Variants in ATP8B1 observed in about 807,000 individuals in gnomAD.
ATP8B1 encodes ATPase phospholipid transporting 8B1, also known as phospholipid-transporting ATPase IC.
In ATP8B1, 80 loss-of-function variants were observed where a neutral mutation model predicts 149.9. The observed-to-expected ratio is 0.53, with a 90% CI of 0.45 to 0.64. ATP8B1 has a LOEUF of 0.64. Ranked by LOEUF, ATP8B1 falls within the 30% of genes least tolerant of loss-of-function variation. The probability of loss-of-function intolerance (pLI) is 0.00; values close to 1 mark genes in which losing one functional copy is unlikely to be tolerated. For synonymous variants in ATP8B1, 536 were observed against 562.8 expected (o/e 0.95, Z 0.67); for missense variants, 1,247 against 1,552.6 (o/e 0.80, Z 3.31).
chr18:57,648,223 T>A lies in ATP8B1; in HGVS notation c.*265A>T. ...CTGGTCTCGAACTCCTGGCCTCAGG[T>A]GATCTCCCCTCCTCAGCCTCCTAAA... On this transcript the variant is annotated 3_prime_UTR_variant, in exon 28 of 28. Transcript: ENST00000648908. 1.8e-6 allele frequency: 1 copy of A among 553,428 alleles called. No individual in the cohort carries two copies. The highest frequency in any genetic ancestry group is 3.2e-6 in the Non-Finnish European group (1 of 308,204). 34.3% of individuals were successfully genotyped at this position (553,428 alleles called of 1,614,324 possible). A position where few individuals can be genotyped will look rare whatever the true frequency, so the allele number is the denominator to read the frequency against.
In ATP8B1 at chr18:57,671,575, T is replaced by C. The variant is rs750116059; in HGVS notation, c.1825A>G (p.Thr609Ala). 6.2e-7 allele frequency: 1 copy of C among 1,607,034 alleles called. No individual in the cohort carries two copies. Among genetic ancestry groups the C allele is most frequent in the Admixed American group, 1.7e-5 (1 of 59,990 alleles). ...DRKRMSIIVR[T>A]PEGNIKLYCK... Reference sequence around the variant, plus strand: ...TAAAGCTTGATATTGCCTTCTGGGGTTCTTACTGGTAGTAAAAGAAGGAAA... The same window carrying C: ...TAAAGCTTGATATTGCCTTCTGGGGCTCTTACTGGTAGTAAAAGAAGGAAA... Residue 609 changes from threonine (T) to alanine (A), a missense_variant, in exon 17 of 28, where the codon ACC (threonine) becomes GCC (alanine). Thr to Ala is a moderately conservative substitution (Grantham distance 58, BLOSUM62 0). Coordinates refer to ENST00000648908, the MANE Select transcript of ATP8B1 (RefSeq NM_001374385.1).
At chr18:57,760,784 C>G (rs1174949547) in intron 1 of ATP8B1, among the ~76,000 whole-genome samples, 1 of 151,944 alleles carries the variant, frequency 6.6e-6, no homozygotes, top group African/African-American at 2.4e-5. Context: ...AGGTCAGGAG[C>G]TGGAGACCAG....
rs1322207888 is a variant in ATP8B1, at chr18:57,648,720, G to C, written c.3532-8C>G. 7 of 1,549,628 alleles carry C rather than the reference G, an allele frequency of 4.5e-6. No individual in the cohort carries two copies. The highest frequency in any genetic ancestry group is 1.4e-5 in the African/African-American group (1 of 73,126). On this transcript the variant is annotated splice_region_variant and splice_polypyrimidine_tract_variant and intron_variant, in intron 27 of 27. Coordinates refer to ENST00000648908, the MANE Select transcript of ATP8B1 (RefSeq NM_001374385.1). ...CTTGCGATGCTTCTGGATCTGCAAG[G>C]GGGAGAGATGGGGAGGGATGAAAAT...
chr18:57,678,689 A>G lies in ATP8B1; in HGVS notation c.1631-3667T>C, dbSNP rs535443240. Among the ~76,000 whole-genome samples, 2 of 72,880 alleles carry G rather than the reference A, an allele frequency of 2.7e-5. 1 individual carries two copies. Among genetic ancestry groups the G allele is most frequent in the South Asian group, 9.9e-4 (2 of 2,030 alleles). 47.8% of individuals were successfully genotyped at this position (72,880 alleles called of 152,430 possible). A position where few individuals can be genotyped will look rare whatever the true frequency, so the allele number is the denominator to read the frequency against. On this transcript the variant is annotated intron_variant, in intron 15 of 27. Transcript: ENST00000648908. ...TTGACCCGACTTCGATTCCCAGCCA[A>G]TGCAGCAGGCTGACCTTTTGTCCTG...
chr18:57,678,565 C>A (rs1229415684), intron 15 of ATP8B1, among the ~76,000 whole-genome samples: 1 of 137,234 alleles, frequency 7.3e-6, no homozygotes, highest in Non-Finnish European at 1.6e-5. Flanking sequence ...CCAGCCCAGG[C>A]GATAGTTCGA....
intron 2 of ATP8B1, among the ~76,000 whole-genome samples, chr18:57,720,496 G>T (rs1734840968): frequency 9.2e-6 from 1 of 108,584 alleles, no homozygotes; most frequent in South Asian, 3.9e-4. Flanking sequence ...AAGGGTATCA[G>T]CAATGGAAGA....
rs543858152 is a variant in ATP8B1 at position 57,648,648 on chromosome 18, C to T, written c.3596G>A (p.Arg1199His). The change falls in exon 28 of 28, where the codon CGC (arginine) becomes CAC (histidine). Residue 1199 changes from arginine to histidine, a missense_variant. Coordinates refer to ENST00000648908, the MANE Select transcript of ATP8B1 (RefSeq NM_001374385.1). Reference sequence around the variant, plus strand: ...CGAGCGCCGCGTTGACACGCCCCGGCGGAACACCTGCTGCCGTCGCTGCCA... The same window carrying T: ...CGAGCGCCGCGTTGACACGCCCCGGTGGAACACCTGCTGCCGTCGCTGCCA... ...EQWQRRQQVFRRGVSTRRSAY... is the reference protein window; with the variant it reads ...EQWQRRQQVFHRGVSTRRSAY... The T allele has an allele frequency of 1.1e-5, 17 of 1,591,616 alleles. No homozygotes were observed. Among genetic ancestry groups the T allele is most frequent in the South Asian group, 6.8e-5 (6 of 88,710 alleles).
Position 57,684,048 on chromosome 18 carries a change from C to T in ATP8B1, c.1618G>A (p.Asp540Asn). The change falls in exon 15 of 28, where the codon GAT becomes AAT. Residue 540 changes from aspartate to asparagine, a missense_variant. This residue lies in a region of ATP8B1 where 853 missense variants were observed against 1,035.7 expected (regional missense o/e 0.82). Transcript: ENST00000648908. The stretch of plus-strand genomic sequence containing the variant: ...GAGAAACACTCACCATCAGTCCTAT[C>T]CACCATGACTGTGTGGCAAACTGCG... ...LLAVCHTVMV[D>N]RTDGQLNYQA... 3 of 1,614,156 alleles carry T rather than the reference C, an allele frequency of 1.9e-6. No individual in the cohort carries two copies. Among genetic ancestry groups the T allele is most frequent in the Non-Finnish European group, 2.5e-6 (3 of 1,180,034 alleles).
intron 15 of ATP8B1, among the ~76,000 whole-genome samples, chr18:57,681,036 T>G (rs1339143381): frequency 6.6e-6 from 1 of 152,214 alleles, no homozygotes; most frequent in East Asian, 1.9e-4. Context: ...TGAAGGGAAT[T>G]TGCAGATGTG....
chr18:57,749,055 A>G (rs2079992108), intron 1 of ATP8B1, among the ~76,000 whole-genome samples: 1 of 152,252 alleles, frequency 6.6e-6, no homozygotes, highest in African/African-American at 2.4e-5. Context: ...CCCATTAAAG[A>G]TGCTTTCTGC....
chr18:57,687,945 G>A (rs1912337134), intron 13 of ATP8B1, among the ~76,000 whole-genome samples: 1 of 151,958 alleles, frequency 6.6e-6, no homozygotes, highest in Admixed American at 6.6e-5. Flanking sequence ...ACCACACCTG[G>A]TTAATTTTTG....
At chr18:57,766,888 A>G (rs369890501) in intron 1 of ATP8B1, among the ~76,000 whole-genome samples, 3 of 152,218 alleles carry the variant, frequency 2.0e-5, no homozygotes, top group East Asian at 1.9e-4. Context: ...GCAGAAATTG[A>G]GGTCTAACCT....
chr18:57,718,462 C>G (rs2079606499), intron 2 of ATP8B1, among the ~76,000 whole-genome samples: 1 of 152,288 alleles, frequency 6.6e-6, no homozygotes, highest in Admixed American at 6.5e-5. Context: ...CCTACTCAAT[C>G]TATTCTAAAA....
At chr18:57,685,855 C>T (rs974473715) in intron 13 of ATP8B1, among the ~76,000 whole-genome samples, 16 of 152,008 alleles carry the variant, frequency 1.1e-4, no homozygotes, top group African/African-American at 1.9e-4. Flanking sequence ...CACTTGAACC[C>T]GGAAGGTGGA....
At chr18:57,693,356 G>C (rs1348544939) in intron 11 of ATP8B1, among the ~76,000 whole-genome samples, 1 of 152,118 alleles carries the variant, frequency 6.6e-6, no homozygotes, top group Non-Finnish European at 1.5e-5. Context: ...GCCCTGGGCT[G>C]GTATCTGGTA....
rs190037891 is a variant in ATP8B1, at chr18:57,662,141, C to T, written c.2418+342G>A. Among the ~76,000 whole-genome samples the T allele has an allele frequency of 2.1e-4, 32 of 152,332 alleles. 1 individual carries two copies. The East Asian group carries it at 6.0e-3, about 29-fold the overall frequency. ...CTCGAACACCTAAGCTCAAACCACC[C>T]TCCTGCTTCAACCTCCAGAGGAGCT... is the stretch of plus-strand genomic sequence containing the variant. On this transcript the variant is annotated intron_variant, in intron 21 of 27. Coordinates refer to ENST00000648908, the MANE Select transcript of ATP8B1 (RefSeq NM_001374385.1).
At chr18:57,719,283 C>T (rs557676008) in intron 2 of ATP8B1, among the ~76,000 whole-genome samples, 7 of 152,354 alleles carry the variant, frequency 4.6e-5, no homozygotes, top group East Asian at 3.9e-4. Context: ...GGAACAGCTC[C>T]GGTCTACAGC....
At chr18:57,668,358 C>G (rs1911012344) in intron 19 of ATP8B1, 71 bp downstream of exon 19, 2 of 1,441,772 alleles carry the variant, frequency 1.4e-6, no homozygotes, top group Admixed American at 1.7e-5. Flanking sequence ...AGGAGGTCAT[C>G]TTGGGCAAAG....
chr18:57,694,401 GA>G lies in ATP8B1; in HGVS notation c.1029+180del, dbSNP rs1912695515. The stretch of plus-strand genomic sequence containing the variant: ...CCTGTTAAAAGTGTGGCATTTCTGA[GA>G]AAAAGTAAGGCATTTCTGGAAAAAA... On this transcript the variant is annotated intron_variant, in intron 11 of 27. Transcript: ENST00000648908. Among the ~76,000 whole-genome samples the G allele has an allele frequency of 5.9e-5, 9 of 151,940 alleles. No individual in the cohort carries two copies. In the South Asian group the frequency reaches 1.9e-3, roughly 32 times the overall value.
Sources: allele counts gnomAD v4.1 joint callset (sites outside exome capture counted in the v4.1 genomes callset), GRCh38; gene constraint gnomAD v4.1.1; regional missense constraint gnomAD v4.1.1; transcripts MANE v1.5; gene names NCBI Gene and HGNC (gene_info 2026-07-23, HGNC 2026-07-21).